The following NLRP8 variants were observed in gnomAD, a reference collection of about 807,000 sequenced individuals.
NLRP8 encodes the protein NACHT, LRR and PYD domains-containing protein 8.
NLRP8 carries 86 observed loss-of-function variants against 88.7 expected under a neutral mutation model. The observed-to-expected ratio is 0.97, with a 90% CI of 0.81 to 1.16. The LOEUF (loss-of-function observed/expected upper bound fraction) is 1.16, where lower values mean the gene tolerates loss of function less well. Among genes scored for constraint, NLRP8 ranks in the 50% most tolerant of loss-of-function variants. The pLI, the probability that NLRP8 is intolerant of heterozygous loss-of-function variation, is 0.00. For synonymous variants in NLRP8, 504 were observed against 494.6 expected, an observed-to-expected ratio of 1.02 and a Z score of -0.25; for missense variants, 1,342 against 1,286.5, an observed-to-expected ratio of 1.04 and a Z score of -0.66.
chr19:55,986,473 TACACACAC>T (rs896816246), intron 9 of NLRP8, among the ~76,000 whole-genome samples: 1 of 72,492 alleles, frequency 1.4e-5, no homozygotes, highest in Non-Finnish European at 3.0e-5. Context: ...CTCTCTCACA[TACACACAC>T]ACACACACAC....
At chr19:55,966,102 T>A (rs1979824495) in intron 4 of NLRP8, 111 bp from the exon 5 acceptor site, 1 of 848,370 alleles carries the variant, frequency 1.2e-6, no homozygotes, top group Admixed American at 2.1e-5. Context: ...CCCCTGAGAG[T>A]GGGACTGCAC....
At chr19:55,949,906 A>G (rs1979016136) in intron 1 of NLRP8, among the ~76,000 whole-genome samples, 1 of 152,028 alleles carries the variant, frequency 6.6e-6, no homozygotes, top group African/African-American at 2.4e-5. Context: ...GTGAAAAGGG[A>G]CTTTCTTTTG....
rs371912270 is a variant in NLRP8 at position 55,949,938 on chromosome 19, T to C, written c.367+1669T>C. ...TTTGATAAGGCAGCCTAGGAAGTCC[T>C]CTTTGAGGAAATGATGCTAAGGTTG... On this transcript the variant is annotated intron_variant, in intron 1 of 9. Transcript: ENST00000291971. Among the ~76,000 whole-genome samples the C allele has an allele frequency of 7.2e-4, 110 of 152,164 alleles. 4 individuals carry two copies. In the South Asian group the frequency reaches 0.022, roughly 31 times the overall value.
At chr19:55,952,491 C>A in intron 1 of NLRP8, 47 bp from the exon 2 acceptor site, 1 of 1,519,804 alleles carries the variant, frequency 6.6e-7, no homozygotes, top group Non-Finnish European at 9.1e-7. Flanking sequence ...TCCCTGCTAC[C>A]AAGATCTTAT....
chr19:55,961,947 C>T (rs1033530859), intron 3 of NLRP8, 120 bp from the exon 4 acceptor site: 3 of 861,020 alleles, frequency 3.5e-6, no homozygotes, highest in Non-Finnish European at 5.3e-6. Flanking sequence ...ATGAGGATGT[C>T]TTAGAGTCAC....
In NLRP8 at chr19:55,955,146, T is replaced by C. The variant is rs1028852187; in HGVS notation, c.1088T>C (p.Ile363Thr). ...CCGGGGTTTAATACGATGGAAAAAA[T>C]CAAGTATTTCCAGATGTATTTTGGA... The change falls in exon 3 of 10, where the codon ATC (isoleucine) becomes ACC (threonine). Residue 363 changes from isoleucine to threonine, a missense_variant. Physicochemically the swap from Ile to Thr is moderately conservative, Grantham distance 89 (BLOSUM62 -1). Transcript: ENST00000291971. 6.2e-7 allele frequency: 1 copy of C among 1,613,816 alleles called. No homozygotes were observed. The highest frequency in any genetic ancestry group is 1.7e-5 in the Admixed American group (1 of 59,990).
chr19:55,957,676 TATATATATATA>T (rs1474178612), intron 3 of NLRP8, among the ~76,000 whole-genome samples: 4 of 2,100 alleles, frequency 1.9e-3, no homozygotes, highest in Admixed American at 6.0e-3. Flanking sequence ...ATAATAATTA[TATATATATATA>T]TATATATATA....
At chr19:55,969,436 C>A (rs1263603234) in intron 5 of NLRP8, among the ~76,000 whole-genome samples, 1 of 152,190 alleles carries the variant, frequency 6.6e-6, no homozygotes, top group Non-Finnish European at 1.5e-5. Context: ...GACATCATTT[C>A]ATTCTTTTTT....
chr19:55,978,645 T>C (rs1980447645), intron 8 of NLRP8, among the ~76,000 whole-genome samples: 1 of 152,192 alleles, frequency 6.6e-6, no homozygotes, highest in Non-Finnish European at 1.5e-5. Flanking sequence ...AGGACTCTTA[T>C]GGGCCGGCAT....
chr19:55,952,287 A>G (rs1049299267), intron 1 of NLRP8, among the ~76,000 whole-genome samples: 1 of 152,100 alleles, frequency 6.6e-6, no homozygotes. Context: ...TGGCTGGGCT[A>G]TCCATTTATA....
intron 3 of NLRP8, 103 bp from the exon 4 acceptor site, chr19:55,961,964 C>T: frequency 9.2e-7 from 1 of 1,087,006 alleles, no homozygotes; most frequent in Non-Finnish European, 1.3e-6. Context: ...TCACTAGAGG[C>T]CTATGGCCCT....
chr19:55,976,907 T>TG (rs1353998285), intron 8 of NLRP8, among the ~76,000 whole-genome samples: 2 of 150,178 alleles, frequency 1.3e-5, no homozygotes, highest in African/African-American at 4.9e-5. Flanking sequence ...GGTGAAACCA[T>TG]GTCTGTACTA....
intron 2 of NLRP8, among the ~76,000 whole-genome samples, chr19:55,953,523 G>A (rs2123185831): frequency 6.6e-6 from 1 of 151,864 alleles, no homozygotes; most frequent in Non-Finnish European, 1.5e-5. Flanking sequence ...TTGAGACGGA[G>A]TCTCGCTCTG....
In NLRP8 at chr19:55,955,721, A is replaced by T. The variant is rs140192808; in HGVS notation, c.1663A>T (p.Met555Leu). 2 of 1,613,932 alleles carry T rather than the reference A, an allele frequency of 1.2e-6. No homozygotes were observed. The highest frequency in any genetic ancestry group is 2.7e-5 in the African/African-American group (2 of 74,928). ...AGGAAGCAAAAGCTATCTCTCTCAC[A>T]TGGGACTTTTCTTATTCGGTTTTCT... The change falls in exon 3 of 10, where the codon ATG (methionine) becomes TTG (leucine). Residue 555 changes from methionine (M) to leucine (L), a missense_variant. Met to Leu is a conservative substitution (Grantham distance 15). Transcript: ENST00000291971.
At chr19:55,979,587 G>A (rs1455435027) in intron 9 of NLRP8, 23 bp downstream of exon 9, 3 of 1,613,358 alleles carry the variant, frequency 1.9e-6, no homozygotes, top group African/African-American at 1.3e-5. Flanking sequence ...CGGGTTTCCT[G>A]TGCAAAACCT....
At chr19:55,962,450 T>C (rs1568462765) in intron 4 of NLRP8, among the ~76,000 whole-genome samples, 1 of 152,214 alleles carries the variant, frequency 6.6e-6, no homozygotes, top group African/African-American at 2.4e-5. Context: ...CTCTAGTTAC[T>C]GTTAGCTTGG....
chr19:55,984,726 C>G (rs1252099847), intron 9 of NLRP8, among the ~76,000 whole-genome samples: 2 of 151,252 alleles, frequency 1.3e-5, no homozygotes, highest in Non-Finnish European at 2.9e-5. Flanking sequence ...AATCCCACCC[C>G]TTTGGGAGGC....
Position 55,965,508 on chromosome 19 carries a change from T to G in NLRP8, c.2214-705T>G, listed in dbSNP as rs908957452. 2.6e-5 allele frequency among the ~76,000 whole-genome samples: 4 copies of G among 151,866 alleles called. No homozygotes were observed. In the South Asian group the frequency reaches 8.3e-4, roughly 32 times the overall value. On this transcript the variant is annotated intron_variant, in intron 4 of 9. Coordinates refer to ENST00000291971, the MANE Select transcript of NLRP8 (RefSeq NM_176811.2). ...AAAATAAAGAAATATAAATAAAAAT[T>G]TTAAAACCAAAAGCATGATTTTAGG...
Position 55,988,044 on chromosome 19 carries a change from C to A in NLRP8, c.*131C>A. ...AAACAGAGCAACCCAGTCAACACCACAGAACCTCAGCTTTGAACCCTGGAG... is the reference window on the plus strand; with the variant it reads ...AAACAGAGCAACCCAGTCAACACCAAAGAACCTCAGCTTTGAACCCTGGAG... On this transcript the variant is annotated 3_prime_UTR_variant, in exon 10 of 10. Transcript: ENST00000291971. 1 of 677,148 alleles carries A rather than the reference C, an allele frequency of 1.5e-6. No homozygotes were observed. Among genetic ancestry groups the A allele is most frequent in the Non-Finnish European group, 2.6e-6 (1 of 379,242 alleles). 41.9% of individuals were successfully genotyped at this position (677,148 alleles called of 1,614,324 possible). A position where few individuals can be genotyped will look rare whatever the true frequency, so the allele number is the denominator to read the frequency against.
Sources: gnomAD v4.1 joint callset for allele counts (sites outside exome capture counted in the v4.1 genomes callset) on GRCh38, gnomAD v4.1.1 for gene constraint, MANE v1.5 for transcripts, NCBI Gene and HGNC (gene_info 2026-07-23, HGNC 2026-07-21) for gene names.